Variants in UGT1A10 observed in about 807,000 individuals in gnomAD.
UGT1A10 encodes UDP glucuronosyltransferase family 1 member A10, also known as UDP-glucuronosyltransferase 1A10.
A neutral mutation model predicts 45.8 loss-of-function variants in UGT1A10; 49 were observed. The observed-to-expected ratio is 1.07, with a 90% confidence interval of 0.85 to 1.36. UGT1A10 has a LOEUF of 1.36. Among genes scored for constraint, UGT1A10 ranks in the 40% most tolerant of loss-of-function variants. The pLI is 0.00. For synonymous variants in UGT1A10, 284 were observed against 249.7 expected (o/e 1.14, Z -1.29); for missense variants, 745 against 668.6 (o/e 1.11, Z -1.26).
intron 1 of UGT1A10, among the ~76,000 whole-genome samples, chr2:233,650,700 T>C (rs1391618674): frequency 6.6e-6 from 1 of 152,240 alleles, no homozygotes; most frequent in Non-Finnish European, 1.5e-5. Context: ...CTTCAATTGC[T>C]GCAGAATTCA....
chr2:233,695,457 T>C (rs1007830412), intron 1 of UGT1A10, among the ~76,000 whole-genome samples: 32 of 151,984 alleles, frequency 2.1e-4, no homozygotes, highest in Middle Eastern at 3.4e-3. Flanking sequence ...ATCAACGTGC[T>C]TTATTGGCCC....
intron 1 of UGT1A10, among the ~76,000 whole-genome samples, chr2:233,699,699 G>A (rs1322177802): frequency 2.6e-5 from 4 of 152,198 alleles, no homozygotes; most frequent in African/African-American, 9.7e-5. Context: ...AACAATGAAT[G>A]TGGTTTTCTT....
At chr2:233,710,976 C>A (rs993531240) in intron 1 of UGT1A10, among the ~76,000 whole-genome samples, 3 of 152,198 alleles carry the variant, frequency 2.0e-5, no homozygotes, top group Non-Finnish European at 4.4e-5. Flanking sequence ...GGGGAATATA[C>A]AATCATTCAG....
At chr2:233,729,544 C>T (rs2077877182) in intron 1 of UGT1A10, 24 of 1,614,178 alleles carry the variant, frequency 1.5e-5, no homozygotes, top group Non-Finnish European at 1.9e-5. Context: ...CCTGATCAGG[C>T]ACCTGAATGC....
At chr2:233,651,679 C>G (rs71423607) in intron 1 of UGT1A10, among the ~76,000 whole-genome samples, 7,078 of 152,224 alleles carry the variant, frequency 0.046, 234 homozygotes, top group Middle Eastern at 0.092. Flanking sequence ...CAGGCTGTGT[C>G]TTGGAAAAGC....
chr2:233,655,159 A>G (rs2073829501), intron 1 of UGT1A10, among the ~76,000 whole-genome samples: 1 of 152,148 alleles, frequency 6.6e-6, no homozygotes, highest in African/African-American at 2.4e-5. Context: ...AGTGAACAGA[A>G]TACTTTCTGT....
chr2:233,653,109 C>A (rs781087757), intron 1 of UGT1A10, among the ~76,000 whole-genome samples: 1 of 152,146 alleles, frequency 6.6e-6, no homozygotes. Flanking sequence ...TCCCAAAAGA[C>A]CTGAAATTTC....
intron 1 of UGT1A10, among the ~76,000 whole-genome samples, chr2:233,662,924 A>G (rs573813596): frequency 2.0e-5 from 3 of 151,138 alleles, no homozygotes; most frequent in African/African-American, 7.3e-5. Context: ...TTTATATGGT[A>G]TGTTACTTAG....
At chr2:233,694,669 C>T (rs2075233719) in intron 1 of UGT1A10, among the ~76,000 whole-genome samples, 1 of 152,152 alleles carries the variant, frequency 6.6e-6, no homozygotes, top group Admixed American at 6.5e-5. Context: ...GAGAGAAAGC[C>T]TCAAACAGGT....
Position 233,636,584 on chromosome 2 carries a change from G to C in UGT1A10, c.62G>C (p.Gly21Ala), listed in dbSNP as rs148751804. ...PLCVCLLLTCGFAEAGKLLVV... is the reference protein window; with the variant it reads ...PLCVCLLLTCAFAEAGKLLVV... ...TGTGTGTGTCTACTGCTGACCTGTG[G>C]CTTTGCCGAGGCAGGGAAGCTGCTG... The change falls in exon 1 of 5, where the codon GGC becomes GCC. Residue 21 changes from glycine (G) to alanine (A), a missense_variant. Transcript: ENST00000344644. 1,379 of 1,614,138 alleles carry C rather than the reference G, an allele frequency of 8.5e-4. 3 individuals carry two copies. The highest frequency in any genetic ancestry group is 1.1e-3 in the Non-Finnish European group (1,265 of 1,180,032).
chr2:233,736,925 G>A lies in UGT1A10; in HGVS notation c.856-30109G>A, dbSNP rs188632907. Among the ~76,000 whole-genome samples, 72 of 152,232 alleles carry A rather than the reference G, an allele frequency of 4.7e-4. 1 individual carries two copies. The Middle Eastern group carries it at 0.014, about 29-fold the overall frequency. On this transcript the variant is annotated intron_variant, in intron 1 of 4. Coordinates refer to ENST00000344644, the MANE Select transcript of UGT1A10 (RefSeq NM_019075.4). ...CCTCTGGAAGCTTCATACCAGAGGC[G>A]CACCCACCTATATGAGGTGTCTGTT...
At chr2:233,654,783 A>T (rs190797944) in intron 1 of UGT1A10, among the ~76,000 whole-genome samples, 18 of 152,262 alleles carry the variant, frequency 1.2e-4, no homozygotes, top group African/African-American at 3.8e-4. Context: ...CAGTGGCTCT[A>T]TGTGAGTAGT....
chr2:233,745,241 G>A (rs1693049313), intron 1 of UGT1A10, among the ~76,000 whole-genome samples: 1 of 151,840 alleles, frequency 6.6e-6, no homozygotes, highest in African/African-American at 2.4e-5. Flanking sequence ...ACTATTTACT[G>A]TATCGAAACC....
intron 1 of UGT1A10, among the ~76,000 whole-genome samples, chr2:233,696,285 A>G (rs554364174): frequency 5.9e-5 from 9 of 152,206 alleles, no homozygotes; most frequent in African/African-American, 2.2e-4. Context: ...AAAACGTAGG[A>G]CTGTAATATC....
rs1700541312 is a variant in UGT1A10 at position 233,772,678 on chromosome 2, A to T, written c.*119A>T. On this transcript the variant is annotated 3_prime_UTR_variant, in exon 5 of 5. Transcript: ENST00000344644. ...TTAAGGAAATACTTTGCATAAATTA[A>T]TCAGCCCCAGAGTGCTTTAAAAAAT... The T allele has an allele frequency of 6.5e-7, 1 of 1,531,784 alleles. No homozygotes were observed. The highest frequency in any genetic ancestry group is 1.4e-5 in the African/African-American group (1 of 72,498). 94.9% of individuals were successfully genotyped at this position (1,531,784 alleles called of 1,614,324 possible).
chr2:233,685,467 A>G (rs900120949), intron 1 of UGT1A10, among the ~76,000 whole-genome samples: 1 of 152,232 alleles, frequency 6.6e-6, no homozygotes, highest in Non-Finnish European at 1.5e-5. Flanking sequence ...GGGCCAGTGC[A>G]GCTCTGGAGA....
rs943921949 is a variant in UGT1A10, at chr2:233,663,841, G to A, written c.855+26464G>A. Among the ~76,000 whole-genome samples the A allele has an allele frequency of 3.9e-5, 6 of 152,058 alleles. 1 individual carries two copies. The highest frequency in any genetic ancestry group is 2.1e-4 in the South Asian group (1 of 4,822). ...GTCTCAGGCATAATTTTGCAAAGGC[G>A]GTTTCATTTGCAACCACCATTCCTC... On this transcript the variant is annotated intron_variant, in intron 1 of 4. Coordinates refer to ENST00000344644, the MANE Select transcript of UGT1A10 (RefSeq NM_019075.4).
Position 233,767,734 on chromosome 2 carries a change from ACT to A in UGT1A10, c.988-112_988-111del, listed in dbSNP as rs1191822668. On this transcript the variant is annotated intron_variant, in intron 2 of 4. Coordinates refer to ENST00000344644, the MANE Select transcript of UGT1A10 (RefSeq NM_019075.4). Reference sequence around the variant, plus strand: ...AGCCTTCACAGTTACTGATCCTCCCACTCTGTTAAAGACTGTTCCTTCAGAGG... The same window carrying A: ...AGCCTTCACAGTTACTGATCCTCCCACTGTTAAAGACTGTTCCTTCAGAGG... 4 of 1,567,824 alleles carry A rather than the reference ACT, an allele frequency of 2.6e-6. No homozygotes were observed. The Admixed American group carries it at 7.4e-5, about 29-fold the overall frequency.
chr2:233,743,887 C>G (rs1296707110), intron 1 of UGT1A10: 23 of 1,366,658 alleles, frequency 1.7e-5, no homozygotes, highest in Non-Finnish European at 2.3e-5. Flanking sequence ...CCTGCCGGGG[C>G]ACGTCCAGCA....
Sources: allele counts gnomAD v4.1 joint callset (sites outside exome capture counted in the v4.1 genomes callset), GRCh38; gene constraint gnomAD v4.1.1; transcripts MANE v1.5; gene names NCBI Gene and HGNC (gene_info 2026-07-23, HGNC 2026-07-21).